The following PDZRN4 variants were observed in gnomAD, a reference collection of about 807,000 sequenced individuals.
PDZRN4 encodes PDZ domain-containing RING finger protein 4.
In PDZRN4, 70 loss-of-function variants were observed where a neutral mutation model predicts 99.0. The ratio of observed to expected loss-of-function variants is 0.71; its 90% CI spans 0.58 to 0.86. PDZRN4 has a LOEUF of 0.86. Among genes scored for constraint, PDZRN4 ranks in the 40% least tolerant of loss-of-function variants. PDZRN4 has a pLI of 0.00. For synonymous variants in PDZRN4, 551 were observed against 501.6 expected, an observed-to-expected ratio of 1.10 and a Z score of -1.32; for missense variants, 1,474 against 1,331.2, an observed-to-expected ratio of 1.11 and a Z score of -1.67.
chr12:41,421,666 C>A (rs1400038388), intron 3 of PDZRN4, among the ~76,000 whole-genome samples: 1 of 152,128 alleles, frequency 6.6e-6, no homozygotes, highest in East Asian at 1.9e-4. Context: ...CCACACTTTG[C>A]GCCAGACTAA....
At chr12:41,468,881 C>T (rs551461804) in intron 3 of PDZRN4, among the ~76,000 whole-genome samples, 14 of 152,214 alleles carry the variant, frequency 9.2e-5, no homozygotes, top group African/African-American at 2.6e-4. Flanking sequence ...TGATGGCTCA[C>T]GCCTGTAGTC....
intron 3 of PDZRN4, among the ~76,000 whole-genome samples, chr12:41,467,649 T>C (rs1952941247): frequency 6.6e-6 from 1 of 152,192 alleles, no homozygotes; most frequent in African/African-American, 2.4e-5. Flanking sequence ...CATCCACTCT[T>C]ACCTTACCAC....
At chr12:41,402,335 G>A (rs193100493) in intron 3 of PDZRN4, among the ~76,000 whole-genome samples, 428 of 428 alleles carry the variant, frequency 1, 214 homozygotes, top group Non-Finnish European at 1. Context: ...CACACTGTGT[G>A]TATATATATA....
chr12:41,450,938 A>G (rs1378352195), intron 3 of PDZRN4, among the ~76,000 whole-genome samples: 1 of 152,072 alleles, frequency 6.6e-6, no homozygotes, highest in Non-Finnish European at 1.5e-5. Context: ...AATACAAACA[A>G]ACAAACTACA....
intron 5 of PDZRN4, among the ~76,000 whole-genome samples, chr12:41,541,303 T>C (rs1471787850): frequency 1.3e-5 from 2 of 152,046 alleles, no homozygotes; most frequent in African/African-American, 4.8e-5. Flanking sequence ...AAGCAGTGTC[T>C]CAACTCTTGT....
At chr12:41,228,010 C>G (rs1245626407) in intron 3 of PDZRN4, among the ~76,000 whole-genome samples, 32 of 151,736 alleles carry the variant, frequency 2.1e-4, no homozygotes, top group Admixed American at 2.1e-3. Context: ...ACTGATTATA[C>G]TATAAAAGAA....
rs201646154 is a variant in PDZRN4, at chr12:41,552,672, G to A, written c.1220G>A (p.Arg407His). 108 of 1,613,502 alleles carry A rather than the reference G, an allele frequency of 6.7e-5. No individual in the cohort carries two copies. In the African/African-American group the frequency reaches 9.5e-4, roughly 14 times the overall value. ...TTCTTTCAGGAGGTCGAGTTGTGTC[G>A]TGTTAGCAGTCAAGAGAAGCTGGGC... ...DFEYEEVELCRVSSQEKLGLT... is the reference protein window; with the variant it reads ...DFEYEEVELCHVSSQEKLGLT... The change falls in exon 6 of 10, where the codon CGT becomes CAT. Residue 407 changes from arginine to histidine, a missense_variant. Arg to His is a conservative substitution (Grantham distance 29). Transcript: ENST00000402685.
chr12:41,345,575 A>G (rs1592021254), intron 3 of PDZRN4, among the ~76,000 whole-genome samples: 1 of 152,156 alleles, frequency 6.6e-6, no homozygotes, highest in Non-Finnish European at 1.5e-5. Flanking sequence ...CCCAGTCCCA[A>G]ATTAATTTTT....
At chr12:41,352,634 T>C (rs780077016) in intron 3 of PDZRN4, among the ~76,000 whole-genome samples, 1 of 152,172 alleles carries the variant, frequency 6.6e-6, no homozygotes, top group Non-Finnish European at 1.5e-5. Flanking sequence ...AGCTCACTTA[T>C]TAACCCAATT....
chr12:41,197,890 TCTTC>T (rs1950784777), intron 3 of PDZRN4, among the ~76,000 whole-genome samples: 1 of 143,964 alleles, frequency 6.9e-6, no homozygotes, highest in African/African-American at 2.8e-5. Flanking sequence ...CTTTCTTTCT[TCTTC>T]TTCTTCTTTT....
chr12:41,192,771 G>C (rs573152815), intron 2 of PDZRN4, among the ~76,000 whole-genome samples: 1 of 152,240 alleles, frequency 6.6e-6, no homozygotes, highest in East Asian at 1.9e-4. Flanking sequence ...TCCCCAAACC[G>C]AGTTCTTTGT....
At chr12:41,329,705 C>T (rs919614709) in intron 3 of PDZRN4, among the ~76,000 whole-genome samples, 1 of 152,040 alleles carries the variant, frequency 6.6e-6, no homozygotes, top group Non-Finnish European at 1.5e-5. Context: ...TTCTTAATTG[C>T]TGATTAAATT....
intron 3 of PDZRN4, among the ~76,000 whole-genome samples, chr12:41,269,888 A>G (rs1951302293): frequency 6.6e-6 from 1 of 152,122 alleles, no homozygotes; most frequent in Admixed American, 6.5e-5. Context: ...AAACCATAAT[A>G]AGCATTCTGA....
Position 41,506,633 on chromosome 12 carries a change from G to T in PDZRN4, c.1021G>T (p.Glu341Ter). ...NASTQTDITF[E>*]HIMALAKLRP... ...CAGCACTCAGACGGACATCACCTTC[G>T]AACACATCATGGCTCTGGCCAAGCT... The change falls in exon 4 of 10, where the codon GAA becomes TAA. Residue 341 changes from glutamate (E) to a stop codon, truncating the protein, a stop_gained. Transcript: ENST00000402685. LOFTEE classifies it high-confidence loss of function. 1.2e-6 allele frequency: 2 copies of T among 1,613,866 alleles called. No individual in the cohort carries two copies. The highest frequency in any genetic ancestry group is 1.7e-6 in the Non-Finnish European group (2 of 1,179,876).
At chr12:41,359,684 TC>T (rs144320088) in intron 3 of PDZRN4, among the ~76,000 whole-genome samples, 4,078 of 152,066 alleles carry the variant, frequency 0.027, 183 homozygotes, top group African/African-American at 0.095. Flanking sequence ...GTGGCTTTGC[TC>T]CTCCTTTACC....
rs151051229 is a variant in PDZRN4, at chr12:41,433,533, G to T, written c.844-72923G>T. ...AATGCAGAACTGGGACTAGAAATTT[G>T]TAAGCCACATGTCAAGGTAGGTGGC... On this transcript the variant is annotated intron_variant, in intron 3 of 9. Transcript: ENST00000402685. Among the ~76,000 whole-genome samples the T allele has an allele frequency of 3.6e-4, 55 of 152,318 alleles. 1 individual carries two copies. The highest frequency in any genetic ancestry group is 1.3e-3 in the African/African-American group (53 of 41,564).
chr12:41,378,451 T>C (rs1375619453), intron 3 of PDZRN4, among the ~76,000 whole-genome samples: 2 of 152,074 alleles, frequency 1.3e-5, no homozygotes, highest in Non-Finnish European at 2.9e-5. Context: ...GTATTGTCTT[T>C]ATCCAATTTT....
chr12:41,413,698 A>G (rs555733819), intron 3 of PDZRN4, among the ~76,000 whole-genome samples: 1 of 152,290 alleles, frequency 6.6e-6, no homozygotes, highest in African/African-American at 2.4e-5. Context: ...AAATGAGTCT[A>G]TGGGTGCCCT....
intron 3 of PDZRN4, among the ~76,000 whole-genome samples, chr12:41,378,725 G>T (rs528841217): frequency 1.1e-4 from 16 of 152,050 alleles, no homozygotes; most frequent in Middle Eastern, 3.4e-3. Context: ...GTTTCACCAC[G>T]TTGGCCAAGC....
Sources: gnomAD v4.1 joint callset for allele counts (sites outside exome capture counted in the v4.1 genomes callset) on GRCh38, gnomAD v4.1.1 for gene constraint, MANE v1.5 for transcripts, NCBI Gene and HGNC (gene_info 2026-07-23, HGNC 2026-07-21) for gene names.